WDR49: variants seen among roughly 807,000 people sequenced by gnomAD.
WDR49 encodes cilia- and flagella-associated protein 337.
In WDR49, 107 loss-of-function variants were observed where a neutral mutation model predicts 119.5. The ratio of observed to expected loss-of-function variants is 0.90; its 90% CI spans 0.77 to 1.05. The LOEUF (loss-of-function observed/expected upper bound fraction) is 1.05, where lower values mean the gene tolerates loss of function less well. WDR49 is among the 50% of genes least tolerant of loss of function. The pLI, the probability that WDR49 is intolerant of heterozygous loss-of-function variation, is 0.00. For missense variants in WDR49, 1,240 were observed against 1,220.5 expected (o/e 1.02, Z -0.24); for synonymous variants, 425 against 418.8 (o/e 1.01, Z -0.18).
At chr3:167,519,802 T>TAAA in intron 16 of WDR49, among the ~76,000 whole-genome samples, 1 of 152,036 alleles carries the variant, frequency 6.6e-6, no homozygotes, top group Non-Finnish European at 1.5e-5. Context: ...AAATAAATTT[T>TAAA]AAAAAACCCT....
chr3:167,645,518 T>C (rs1450229089), intron 2 of WDR49, among the ~76,000 whole-genome samples: 3 of 152,208 alleles, frequency 2.0e-5, no homozygotes, highest in African/African-American at 7.2e-5. Flanking sequence ...GTCTTATTTA[T>C]TTTAATAATA....
At chr3:167,601,847 G>C (rs1192548146) in intron 7 of WDR49, among the ~76,000 whole-genome samples, 2 of 152,088 alleles carry the variant, frequency 1.3e-5, no homozygotes, top group African/African-American at 4.8e-5. Context: ...AACATTGGAA[G>C]CTGTCAAGGT....
chr3:167,653,297 G>GTAAAAA lies in WDR49; in HGVS notation c.128_129insTTTTTA (p.Ser43_Val44insPheTyr). 6.5e-7 allele frequency: 1 copy of GTAAAAA among 1,536,036 alleles called. No homozygotes were observed. Among genetic ancestry groups the GTAAAAA allele is most frequent in the Non-Finnish European group, 8.7e-7 (1 of 1,146,886 alleles). ...TCTGTATTTTTACAAAGTCACCCAC[G>GTAAAAA]CTGAGTTGGTTTTCAAGCAGGCCTG... On this transcript the variant is annotated inframe_insertion, in exon 2 of 19. Coordinates refer to ENST00000682715, the MANE Select transcript of WDR49 (RefSeq NM_001366157.1).
At chr3:167,620,357 A>C in intron 5 of WDR49, 72 bp downstream of exon 5, 9 of 1,399,728 alleles carry the variant, frequency 6.4e-6, no homozygotes, top group Non-Finnish European at 8.4e-6. Flanking sequence ...TGTGTGAAGC[A>C]TTTTCATCAA....
In WDR49 at chr3:167,574,418, T is replaced by C. The variant is rs115377194; in HGVS notation, c.1509+1500A>G. On this transcript the variant is annotated intron_variant, in intron 8 of 18. Transcript: ENST00000682715. ...ATAAATGTAACACATACAATGTTCA[T>C]GTTTCTGTAACTCAGCAGCTAATAG... Among the ~76,000 whole-genome samples, 1,371 of 152,308 alleles carry C rather than the reference T, an allele frequency of 9.0e-3. 21 individuals carry two copies. The highest frequency in any genetic ancestry group is 0.031 in the African/African-American group (1,304 of 41,552).
chr3:167,515,262 T>C (rs931803694), intron 16 of WDR49, among the ~76,000 whole-genome samples: 9 of 152,118 alleles, frequency 5.9e-5, no homozygotes, highest in African/African-American at 2.2e-4. Flanking sequence ...AACCAAATTC[T>C]GCAGCACATC....
intron 7 of WDR49, among the ~76,000 whole-genome samples, chr3:167,585,363 C>A (rs4311211): frequency 0.8 from 121,172 of 151,550 alleles, 48,891 homozygotes; most frequent in East Asian, 0.98. Flanking sequence ...ATTACAAAAA[C>A]ATTAACCTAA....
intron 7 of WDR49, among the ~76,000 whole-genome samples, chr3:167,587,757 T>G (rs779732385): frequency 6.6e-6 from 1 of 152,178 alleles, no homozygotes; most frequent in Non-Finnish European, 1.5e-5. Flanking sequence ...GTGTTGGTAT[T>G]ACAAGCGTGA....
At chr3:167,521,324 T>C (rs958394658) in intron 16 of WDR49, among the ~76,000 whole-genome samples, 1 of 151,990 alleles carries the variant, frequency 6.6e-6, no homozygotes, top group Non-Finnish European at 1.5e-5. Flanking sequence ...CTCAGTGGGG[T>C]CATCAAAGAA....
chr3:167,641,472 T>C lies in WDR49; in HGVS notation c.165+11789A>G, dbSNP rs80191648. ...TCTGACCTGTTCTCTTCTCACATCA[T>C]ATACCCTAGCTGATTTATATGACCC... On this transcript the variant is annotated intron_variant, in intron 2 of 18. Coordinates refer to ENST00000682715, the MANE Select transcript of WDR49 (RefSeq NM_001366157.1). Among the ~76,000 whole-genome samples, 1,261 of 152,004 alleles carry C rather than the reference T, an allele frequency of 8.3e-3. 38 individuals are homozygous for C. Among genetic ancestry groups the C allele is most frequent in the Admixed American group, 0.059 (895 of 15,228 alleles).
rs1402227303 is a variant in WDR49, at chr3:167,522,018, A to ATAGATAGATAGT, written c.2774+296_2774+297insACTATCTATCTA. Among the ~76,000 whole-genome samples, 30 of 103,424 alleles carry ATAGATAGATAGT rather than the reference A, an allele frequency of 2.9e-4. 1 individual carries two copies. Among genetic ancestry groups the ATAGATAGATAGT allele is most frequent in the Non-Finnish European group, 5.7e-4 (24 of 41,788 alleles). 67.9% of individuals were successfully genotyped at this position (103,424 alleles called of 152,430 possible). ...GATAGATAGATAGATAGATAGATAG[A>ATAGATAGATAGT]TTGTTTTTGAAGAAAGGGGCAAATT... is the stretch of plus-strand genomic sequence containing the variant. On this transcript the variant is annotated intron_variant, in intron 16 of 18. Coordinates refer to ENST00000682715, the MANE Select transcript of WDR49 (RefSeq NM_001366157.1).
chr3:167,522,845 T>C (rs1485048620), intron 15 of WDR49, among the ~76,000 whole-genome samples: 1 of 152,208 alleles, frequency 6.6e-6, no homozygotes, highest in Admixed American at 6.6e-5. Flanking sequence ...CACACTTATT[T>C]ATTCCCTCAA....
At chr3:167,530,048 G>A (rs1209147082) in intron 13 of WDR49, among the ~76,000 whole-genome samples, 1 of 152,080 alleles carries the variant, frequency 6.6e-6, no homozygotes, top group Non-Finnish European at 1.5e-5. Flanking sequence ...TTGAGGAAAT[G>A]AGAGTAATTT....
intron 15 of WDR49, among the ~76,000 whole-genome samples, chr3:167,523,705 G>A (rs1415269274): frequency 6.6e-6 from 1 of 152,046 alleles, no homozygotes; most frequent in Admixed American, 6.6e-5. Context: ...CTTCATCCAT[G>A]TCCTTGCAAA....
At chr3:167,603,435 T>C (rs1577269755) in intron 6 of WDR49, among the ~76,000 whole-genome samples, 1 of 152,206 alleles carries the variant, frequency 6.6e-6, no homozygotes, top group Non-Finnish European at 1.5e-5. Context: ...GATGTTGGCA[T>C]ATTCACGAAT....
chr3:167,514,669 A>ACC (rs1491047410), intron 16 of WDR49, among the ~76,000 whole-genome samples: 26 of 138,452 alleles, frequency 1.9e-4, no homozygotes, highest in Admixed American at 7.5e-4. Context: ...ACACACACAC[A>ACC]CCCTTCAAAA....
intron 7 of WDR49, among the ~76,000 whole-genome samples, chr3:167,598,726 T>A (rs1288756919): frequency 6.6e-6 from 1 of 152,234 alleles, no homozygotes; most frequent in South Asian, 2.1e-4. Flanking sequence ...AATGGACTAA[T>A]ACATTTTTTG....
At chr3:167,633,089 G>A (rs1037995655) in intron 2 of WDR49, among the ~76,000 whole-genome samples, 2 of 60,246 alleles carry the variant, frequency 3.3e-5, no homozygotes, top group African/African-American at 1.6e-4. Context: ...AGCCAAACTC[G>A]TGTGTGTGTG....
chr3:167,584,194 G>C (rs533281680), intron 7 of WDR49, among the ~76,000 whole-genome samples: 1 of 152,100 alleles, frequency 6.6e-6, no homozygotes, highest in Non-Finnish European at 1.5e-5. Flanking sequence ...CTCTCCATTA[G>C]AAACAACCTC....
Sources: allele counts gnomAD v4.1 joint callset (sites outside exome capture counted in the v4.1 genomes callset), GRCh38; gene constraint gnomAD v4.1.1; transcripts MANE v1.5; gene names NCBI Gene and HGNC (gene_info 2026-07-23, HGNC 2026-07-21).